The following SNX29 variants were observed in gnomAD, a reference collection of about 807,000 sequenced individuals.
The protein encoded by SNX29 is sorting nexin 29.
Under a neutral mutation model 102.1 loss-of-function variants are expected in SNX29, and 78 were observed. The observed-to-expected ratio is 0.76, with a 90% CI of 0.64 to 0.92. SNX29 has a LOEUF of 0.92. Among genes scored for constraint, SNX29 ranks in the 40% least tolerant of loss-of-function variants. SNX29 has a pLI of 0.00. For missense variants in SNX29, 1,280 were observed against 1,061.7 expected (o/e 1.21, Z -2.86); for synonymous variants, 580 against 414.5 (o/e 1.40, Z -4.85).
chr16:11,992,015 C>T (rs1049737613), intron 1 of SNX29, among the ~76,000 whole-genome samples: 1 of 152,094 alleles, frequency 6.6e-6, no homozygotes, highest in Non-Finnish European at 1.5e-5. Context: ...AAATATTGGG[C>T]CAAGAGTGGT....
At chr16:12,503,670 C>T (rs879892636) in intron 19 of SNX29, among the ~76,000 whole-genome samples, 1 of 152,188 alleles carries the variant, frequency 6.6e-6, no homozygotes, top group African/African-American at 2.4e-5. Flanking sequence ...GTCTCCTCTT[C>T]CTTCTTTCCC....
At chr16:12,046,300 G>A (rs2050087606) in intron 5 of SNX29, 84 bp from the exon 6 acceptor site, 1 of 1,391,334 alleles carries the variant, frequency 7.2e-7, no homozygotes, top group South Asian at 1.2e-5. Flanking sequence ...AGATCTTCCA[G>A]GGAGCCGTCT....
intron 16 of SNX29, among the ~76,000 whole-genome samples, chr16:12,391,876 G>A (rs1162663836): frequency 7.9e-5 from 12 of 152,198 alleles, no homozygotes; most frequent in Non-Finnish European, 1.6e-4. Context: ...ATTTAAAATT[G>A]CGTGATTGTT....
At chr16:12,433,436 G>A (rs868548611) in intron 18 of SNX29, among the ~76,000 whole-genome samples, 28 of 152,154 alleles carry the variant, frequency 1.8e-4, no homozygotes, top group African/African-American at 6.0e-4. Context: ...TTTGAGACCA[G>A]CCTGGCCAGT....
chr16:12,052,106 G>T lies in SNX29; in HGVS notation c.1008G>T (p.Gly336=). Residue 336 remains glycine (G), a synonymous_variant, in exon 8 of 21, where the codon GGG becomes GGT. Coordinates refer to ENST00000566228, the MANE Select transcript of SNX29 (RefSeq NM_032167.5). ...IDSLSLNGEF[G]YQKLDVKSID... is the part of the protein sequence containing the mutation. ...CCCTGTCTTTGAACGGGGAGTTTGG[G>T]TACCAGAAGCTTGATGTGAAAAGCA... The T allele has an allele frequency of 6.2e-7, 1 of 1,613,940 alleles. No homozygotes were observed. The highest frequency in any genetic ancestry group is 8.5e-7 in the Non-Finnish European group (1 of 1,179,856).
At position 12,096,258 on chromosome 16, in the gene SNX29, A is replaced by G. The variant is rs1451693774; in HGVS notation, c.1402+17343A>G. ...CCTTCAGTGACTGTCTTAGTGTCTTAGTAATTGGAAGGTTCCAGATGGCAT... is the reference window on the plus strand; with the variant it reads ...CCTTCAGTGACTGTCTTAGTGTCTTGGTAATTGGAAGGTTCCAGATGGCAT... On this transcript the variant is annotated intron_variant, in intron 11 of 20. Coordinates refer to ENST00000566228, the MANE Select transcript of SNX29 (RefSeq NM_032167.5). This position sits in a 1 kb window ranked among gnomAD's most constrained non-coding sequence, Gnocchi z 4.2. 2.0e-5 allele frequency among the ~76,000 whole-genome samples: 3 copies of G among 152,236 alleles called. No homozygotes were observed. The highest frequency in any genetic ancestry group is 7.2e-5 in the African/African-American group (3 of 41,466).
intron 13 of SNX29, among the ~76,000 whole-genome samples, chr16:12,132,191 C>T (rs535564973): frequency 6.6e-5 from 10 of 151,948 alleles, no homozygotes; most frequent in East Asian, 3.9e-4. Context: ...CTCTGCCTCC[C>T]GGGTTCAGGT....
chr16:12,243,330 C>G (rs1378798441), intron 14 of SNX29, among the ~76,000 whole-genome samples: 1 of 152,244 alleles, frequency 6.6e-6, no homozygotes, highest in African/African-American at 2.4e-5. Context: ...GTCTGGCCCT[C>G]GCTGATCTCT....
At chr16:12,340,723 C>T (rs750451435) in intron 15 of SNX29, among the ~76,000 whole-genome samples, 5 of 152,232 alleles carry the variant, frequency 3.3e-5, no homozygotes, top group Non-Finnish European at 5.9e-5. Context: ...TTCACAACCC[C>T]GGCAGCAAAC....
At chr16:12,558,960 T>G (rs531244228) in intron 20 of SNX29, among the ~76,000 whole-genome samples, 1 of 152,272 alleles carries the variant, frequency 6.6e-6, no homozygotes, top group East Asian at 1.9e-4. Flanking sequence ...ATGTTTCAGG[T>G]AACAGAGGGA....
chr16:12,433,357 G>A (rs190793085), intron 18 of SNX29, among the ~76,000 whole-genome samples: 9 of 152,118 alleles, frequency 5.9e-5, no homozygotes, highest in Admixed American at 2.6e-4. Flanking sequence ...TTGGCCGGGC[G>A]CAGTGGCTCA....
At chr16:12,556,334 C>G (rs1028308254) in intron 20 of SNX29, 2 of 152,234 alleles carry the variant, frequency 1.3e-5, no homozygotes, top group East Asian at 3.9e-4. Flanking sequence ...CCAGGACAGA[C>G]CACTTGGACT....
Position 12,571,133 on chromosome 16 carries a change from G to A in SNX29, c.*2504G>A, listed in dbSNP as rs1010229260. The A allele has an allele frequency of 1.3e-5, 3 of 232,478 alleles. No homozygotes were observed. Among genetic ancestry groups the A allele is most frequent in the Non-Finnish European group, 2.6e-5 (3 of 117,618 alleles). The allele number at this position is 232,478 out of a possible 1,614,324, so 14.4% of individuals were successfully genotyped here. The stretch of plus-strand genomic sequence containing the variant: ...TCCCATAGAATGTTCTGCAATGATT[G>A]GGTCCATCTTGCTGCTCAGAAGAAT... On this transcript the variant is annotated 3_prime_UTR_variant, in exon 21 of 21. Coordinates refer to ENST00000566228, the MANE Select transcript of SNX29 (RefSeq NM_032167.5).
chr16:12,572,783 C>A lies in SNX29; in HGVS notation c.*4154C>A. ...GGGACCCGAGGAAGACCCCACCTCA[C>A]TCCTCCTTCCCCAGTACATCAGACT... On this transcript the variant is annotated 3_prime_UTR_variant, in exon 21 of 21. Coordinates refer to ENST00000566228, the MANE Select transcript of SNX29 (RefSeq NM_032167.5). The A allele has an allele frequency of 9.4e-7, 1 of 1,063,578 alleles. No individual in the cohort carries two copies. The highest frequency in any genetic ancestry group is 4.5e-5 in the South Asian group (1 of 21,982). 65.9% of individuals were successfully genotyped at this position (1,063,578 alleles called of 1,614,324 possible).
intron 11 of SNX29, among the ~76,000 whole-genome samples, chr16:12,125,086 T>C (rs1462922211): frequency 6.6e-6 from 1 of 152,176 alleles, no homozygotes; most frequent in African/African-American, 2.4e-5. Context: ...GTGTCACTCG[T>C]ACTTGGCGAA....
intron 18 of SNX29, among the ~76,000 whole-genome samples, chr16:12,407,927 C>G (rs546019265): frequency 6.6e-6 from 1 of 152,274 alleles, no homozygotes; most frequent in African/African-American, 2.4e-5. Flanking sequence ...CTGCAGGGAG[C>G]TACGATTGCA....
chr16:12,373,382 G>T (rs1249117050), intron 16 of SNX29, among the ~76,000 whole-genome samples: 1 of 152,048 alleles, frequency 6.6e-6, no homozygotes, highest in East Asian at 1.9e-4. Context: ...CTCCTGCCTC[G>T]GCCTCCCATA....
At position 12,098,549 on chromosome 16, in the gene SNX29, GTGCGCAGACGATTCAGTTTCA is replaced by G. The variant is rs2052867469; in HGVS notation, c.1402+19640_1402+19660del. ...TGTCTGTACACACCGTCGGTTTCAT[GTGCGCAGACGATTCAGTTTCA>G]TGCGCGCCCGATTCAGTTTCATGCT... On this transcript the variant is annotated intron_variant, in intron 11 of 20. Transcript: ENST00000566228. This position sits in a 1 kb window ranked among gnomAD's most constrained non-coding sequence, Gnocchi z 6.0. Among the ~76,000 whole-genome samples the G allele has an allele frequency of 2.0e-5, 3 of 152,212 alleles. No individual in the cohort carries two copies. Among genetic ancestry groups the G allele is most frequent in the African/African-American group, 7.2e-5 (3 of 41,446 alleles).
intron 19 of SNX29, 72 bp from the exon 20 acceptor site, chr16:12,524,630 C>G (rs1567653238): frequency 1.3e-6 from 2 of 1,528,616 alleles, no homozygotes; most frequent in Admixed American, 2.0e-5. Context: ...TGGGTGATCG[C>G]CTGTTCTATA....
Sources: gnomAD v4.1 joint callset for allele counts (sites outside exome capture counted in the v4.1 genomes callset) on GRCh38, gnomAD v4.1.1 for gene constraint, Gnocchi (gnomAD v3.1) non-coding constraint, MANE v1.5 for transcripts, NCBI Gene and HGNC (gene_info 2026-07-23, HGNC 2026-07-21) for gene names.